The following KIF1A variants were observed in gnomAD, a reference collection of about 807,000 sequenced individuals.
KIF1A encodes the protein kinesin-like protein KIF1A.
A neutral mutation model predicts 227.3 loss-of-function variants in KIF1A; 46 were observed. That is an observed-to-expected ratio of 0.20 (90% confidence interval 0.16 to 0.26). KIF1A has a LOEUF of 0.26. Ranked by LOEUF, KIF1A falls within the 10% of genes least tolerant of loss-of-function variation. The pLI is 1.00. For missense variants in KIF1A, 1,683 were observed against 2,485.9 expected (o/e 0.68, Z 6.87); for synonymous variants, 1,022 against 1,012.8 (o/e 1.01, Z -0.17).
intron 46 of KIF1A, 88 bp downstream of exon 46, chr2:240,719,686 G>A (rs770668229): frequency 5.5e-5 from 76 of 1,372,594 alleles, no homozygotes; most frequent in Admixed American, 9.1e-5. Flanking sequence ...GAGGGTCCCT[G>A]TGCCCCCAGT....
intron 44 of KIF1A, among the ~76,000 whole-genome samples, chr2:240,721,453 C>T (rs2045371733): frequency 1.3e-5 from 2 of 152,312 alleles, no homozygotes; most frequent in South Asian, 4.1e-4. Context: ...TGGGGTCGGT[C>T]CCAGGAGGAG....
At chr2:240,764,838 C>T (rs1334406538) in intron 20 of KIF1A, among the ~76,000 whole-genome samples, 2 of 152,140 alleles carry the variant, frequency 1.3e-5, no homozygotes, top group African/African-American at 4.8e-5. Flanking sequence ...CAAACTGGGG[C>T]TTCCTCTGAG....
chr2:240,789,953 G>T lies in KIF1A; in HGVS notation c.107-641C>A, dbSNP rs995032030. On this transcript the variant is annotated intron_variant, in intron 2 of 48. Transcript: ENST00000498729. The surrounding 1 kb of genome is among the most constrained non-coding windows in gnomAD (Gnocchi z 4.8). ...TTCCTCAAACCCAGAACAAATCCAT[G>T]AACACGTGATGATGCCCCCGCCCAC... Among the ~76,000 whole-genome samples the T allele has an allele frequency of 6.6e-6, 1 of 152,098 alleles. No homozygotes were observed. The highest frequency in any genetic ancestry group is 2.4e-5 in the African/African-American group (1 of 41,406).
At chr2:240,784,049 G>A (rs1035703501) in intron 7 of KIF1A, among the ~76,000 whole-genome samples, 6 of 152,202 alleles carry the variant, frequency 3.9e-5, no homozygotes, top group Admixed American at 6.5e-5. Flanking sequence ...CCTCCCCAGG[G>A]GAGCACGGGC....
intron 20 of KIF1A, 97 bp from the exon 21 acceptor site, chr2:240,763,443 C>T: frequency 2.5e-6 from 3 of 1,180,104 alleles, no homozygotes; most frequent in Non-Finnish European, 3.5e-6. Flanking sequence ...GGAACGGGTG[C>T]AGGCACCCCA....
At chr2:240,787,682 A>G (rs932211505) in intron 4 of KIF1A, among the ~76,000 whole-genome samples, 1 of 152,112 alleles carries the variant, frequency 6.6e-6, no homozygotes, top group African/African-American at 2.4e-5. Flanking sequence ...GCAAATGAGG[A>G]GCTGCTGGGT....
chr2:240,719,663 T>G (rs756724937), intron 46 of KIF1A, 111 bp downstream of exon 46: 106 of 1,266,732 alleles, frequency 8.4e-5, no homozygotes, highest in Non-Finnish European at 1.1e-4. Flanking sequence ...AACCTGTCTG[T>G]CTCCCCAAGT....
Position 240,713,870 on chromosome 2 carries a change from A to G in KIF1A, c.*3494T>C, listed in dbSNP as rs4613. ...ACACTCGGGTGTAAGACATCGGGAC[A>G]GGCGTCGTGACGTCGGGACGGCAGC... is the stretch of plus-strand genomic sequence containing the variant. On this transcript the variant is annotated 3_prime_UTR_variant, in exon 49 of 49. Coordinates refer to ENST00000498729, the MANE Select transcript of KIF1A (RefSeq NM_001244008.2). 71,111 of 152,820 alleles carry G rather than the reference A, an allele frequency of 0.47. 18,327 individuals are homozygous for G. Among genetic ancestry groups the G allele is most frequent in the African/African-American group, 0.69 (28,662 of 41,504 alleles). The allele number at this position is 152,820 out of a possible 1,614,324, so 9.5% of individuals were successfully genotyped here. A position where few individuals can be genotyped will look rare whatever the true frequency, so the allele number is the denominator to read the frequency against.
At chr2:240,818,729 AGCCTGAGTGCGACCTGGTGTCCC>A (rs1353569388) in intron 1 of KIF1A, 8 of 152,482 alleles carry the variant, frequency 5.2e-5, no homozygotes, top group Non-Finnish European at 1.2e-4. Flanking sequence ...AGGCCCCGCC[AGCCTGAGTGCGACCTGGTGTCCC>A]GCAGAGCCGA....
In KIF1A at chr2:240,725,319, C is replaced by T. The variant is rs537708830; in HGVS notation, c.4208G>A (p.Arg1403His). The change falls in exon 40 of 49, where the codon CGC (arginine) becomes CAC (histidine). Residue 1403 changes from arginine (R) to histidine (H), a missense_variant. Physicochemically the swap from Arg to His is conservative, Grantham distance 29 (BLOSUM62 0). Coordinates refer to ENST00000498729, the MANE Select transcript of KIF1A (RefSeq NM_001244008.2). The surrounding 1 kb of genome is among the most constrained non-coding windows in gnomAD (Gnocchi z 5.8). ...YSRDAKLPAS[R>H]SIRNLFGSGS... ...ACTGCCAAAGAGGTTGCGGATGGAGCGCGAGGCTGGCAGCTTGGCATCACG... is the reference window on the plus strand; with the variant it reads ...ACTGCCAAAGAGGTTGCGGATGGAGTGCGAGGCTGGCAGCTTGGCATCACG... 52 of 1,610,618 alleles carry T rather than the reference C, an allele frequency of 3.2e-5. No homozygotes were observed. Among genetic ancestry groups the T allele is most frequent in the African/African-American group, 6.7e-5 (5 of 74,994 alleles).
rs80292659 is a variant in KIF1A at position 240,752,301 on chromosome 2, T to C, written c.2859-1754A>G. Among the ~76,000 whole-genome samples, 4,524 of 151,996 alleles carry C rather than the reference T, an allele frequency of 0.03. 243 individuals carry two copies. Among genetic ancestry groups the C allele is most frequent in the African/African-American group, 0.1 (4,285 of 41,440 alleles). ...CCCTGGGCCACCCACCCAGGTTATG[T>C]CCAGAAGCGCCCATGGAAGCTCACC... On this transcript the variant is annotated intron_variant, in intron 27 of 48. Transcript: ENST00000498729. The surrounding 1 kb of genome is among the most constrained non-coding windows in gnomAD (Gnocchi z 6.4).
rs1342713101 is a variant in KIF1A, at chr2:240,763,358, A to G, written c.1769-12T>C. Reference sequence around the variant, plus strand: ...GATGATGCGGTTTCCTGGGGAACAGAGGGACAGGTGGCCTTGAGGGATGGG... The same window carrying G: ...GATGATGCGGTTTCCTGGGGAACAGGGGGACAGGTGGCCTTGAGGGATGGG... On this transcript the variant is annotated splice_polypyrimidine_tract_variant and intron_variant, in intron 20 of 48. Coordinates refer to ENST00000498729, the MANE Select transcript of KIF1A (RefSeq NM_001244008.2). The G allele has an allele frequency of 1.3e-6, 2 of 1,562,240 alleles. No homozygotes were observed. The highest frequency in any genetic ancestry group is 1.2e-5 in the South Asian group (1 of 84,388).
Position 240,789,079 on chromosome 2 carries a change from G to C in KIF1A, c.183+157C>G, listed in dbSNP as rs368601539. On this transcript the variant is annotated intron_variant, in intron 3 of 48. Transcript: ENST00000498729. This position sits in a 1 kb window ranked among gnomAD's most constrained non-coding sequence, Gnocchi z 4.8. ...TCCTGCAGCCTCCATCACTGCCTTC[G>C]CTGAGGACCGCTCAGGGTGACCTTC... Among the ~76,000 whole-genome samples the C allele has an allele frequency of 8.1e-4, 123 of 152,302 alleles. No individual in the cohort carries two copies. Among genetic ancestry groups the C allele is most frequent in the African/African-American group, 2.8e-3 (117 of 41,566 alleles).
At chr2:240,772,286 G>T (rs1321779504) in intron 14 of KIF1A, among the ~76,000 whole-genome samples, 1 of 152,224 alleles carries the variant, frequency 6.6e-6, no homozygotes, top group African/African-American at 2.4e-5. Flanking sequence ...TGTTTAGCCT[G>T]AGAAGGCCTC....
intron 1 of KIF1A, among the ~76,000 whole-genome samples, chr2:240,805,342 T>C (rs2057330755): frequency 6.6e-6 from 1 of 152,178 alleles, no homozygotes; most frequent in South Asian, 2.1e-4. Context: ...TGCAGAACTT[T>C]TAGAAATAAA....
intron 23 of KIF1A, 135 bp downstream of exon 23, chr2:240,762,584 T>G: frequency 1.6e-6 from 2 of 1,237,640 alleles, no homozygotes; most frequent in Non-Finnish European, 2.1e-6. Flanking sequence ...GGCAAGGAGG[T>G]CTTTCCCTAA....
chr2:240,782,544 C>T, intron 10 of KIF1A, 46 bp downstream of exon 10: 2 of 1,547,584 alleles, frequency 1.3e-6, no homozygotes, highest in African/African-American at 2.7e-5. Context: ...GCAGACACCG[C>T]CACCAGCCTC....
intron 1 of KIF1A, among the ~76,000 whole-genome samples, chr2:240,819,863 G>C (rs2058605187): frequency 6.6e-6 from 1 of 152,216 alleles, no homozygotes; most frequent in Admixed American, 6.5e-5. Flanking sequence ...CCGAGATCGC[G>C]GCAAAGGGAC....
intron 42 of KIF1A, 98 bp downstream of exon 42, chr2:240,723,315 C>G (rs868104279): frequency 1.6e-5 from 20 of 1,224,278 alleles, no homozygotes; most frequent in Admixed American, 2.7e-5. Flanking sequence ...TGCTGCCCCC[C>G]AGTAGGCACC....
Sources: gnomAD v4.1 joint callset for allele counts (sites outside exome capture counted in the v4.1 genomes callset) on GRCh38, gnomAD v4.1.1 for gene constraint, Gnocchi (gnomAD v3.1) non-coding constraint, MANE v1.5 for transcripts, NCBI Gene and HGNC (gene_info 2026-07-23, HGNC 2026-07-21) for gene names.